Variants in VAV1 observed in about 807,000 individuals in gnomAD.
The protein encoded by VAV1 is proto-oncogene vav.
Under a neutral mutation model 128.1 loss-of-function variants are expected in VAV1, and 33 were observed. The ratio of observed to expected loss-of-function variants is 0.26; its 90% CI spans 0.20 to 0.34. The LOEUF is 0.34. Among genes scored for constraint, VAV1 ranks in the 10% least tolerant of loss-of-function variants. The pLI is 1.00. For synonymous variants in VAV1, 394 were observed against 409.8 expected, an observed-to-expected ratio of 0.96 and a Z score of 0.47; for missense variants, 715 against 1,093.7, an observed-to-expected ratio of 0.65 and a Z score of 4.88.
intron 26 of VAV1, among the ~76,000 whole-genome samples, chr19:6,855,267 T>C (rs1257388238): frequency 6.6e-6 from 1 of 152,216 alleles, no homozygotes; most frequent in East Asian, 1.9e-4. Flanking sequence ...ATTGCATCGA[T>C]GAGGAGTTTT....
chr19:6,802,417 C>A (rs903546882), intron 1 of VAV1, among the ~76,000 whole-genome samples: 1 of 152,112 alleles, frequency 6.6e-6, no homozygotes, highest in Non-Finnish European at 1.5e-5. Context: ...CCAGGAAGTC[C>A]TTTCTGGTGG....
In VAV1 at chr19:6,828,316, G is replaced by C. The variant is rs376901761; in HGVS notation, c.1024-103G>C. On this transcript the variant is annotated intron_variant, in intron 10 of 26. Coordinates refer to ENST00000602142, the MANE Select transcript of VAV1 (RefSeq NM_005428.4). The surrounding 1 kb of genome is among the most constrained non-coding windows in gnomAD (Gnocchi z 4.5). ...GGTCATGTCTCAGCCTCCAGGGTCA[G>C]CAGTACGATGGAGGAGCTGGTGAGC... 1.0e-5 allele frequency: 16 copies of C among 1,535,182 alleles called. No individual in the cohort carries two copies. The highest frequency in any genetic ancestry group is 1.4e-5 in the Non-Finnish European group (16 of 1,116,592).
At chr19:6,830,804 G>A (rs1972037421) in intron 14 of VAV1, among the ~76,000 whole-genome samples, 1 of 152,076 alleles carries the variant, frequency 6.6e-6, no homozygotes, top group African/African-American at 2.4e-5. Context: ...AATAAAGTAG[G>A]TGGCTGGGTG....
intron 21 of VAV1, among the ~76,000 whole-genome samples, chr19:6,840,299 C>CTT (rs1399297947): frequency 8.6e-5 from 11 of 127,814 alleles, no homozygotes; most frequent in African/African-American, 2.9e-4. Flanking sequence ...TCAGAATTTT[C>CTT]TTTCTTTTTT....
At chr19:6,812,827 GATA>G (rs909980660) in intron 1 of VAV1, among the ~76,000 whole-genome samples, 39 of 152,100 alleles carry the variant, frequency 2.6e-4, no homozygotes, top group South Asian at 4.2e-4. Flanking sequence ...TGATGGTGGT[GATA>G]ATGATGATGA....
In VAV1 at chr19:6,772,861, G is replaced by A. The variant is rs45448796; in HGVS notation, c.54G>A (p.Pro18=). The change falls in exon 1 of 27, where the codon CCG becomes CCA. Residue 18 remains proline (P), a synonymous_variant. Coordinates refer to ENST00000602142, the MANE Select transcript of VAV1 (RefSeq NM_005428.4). The surrounding 1 kb of genome is among the most constrained non-coding windows in gnomAD (Gnocchi z 4.8). ...THWLIQCRVL[P]PSHRVTWDGA... is the part of the protein sequence containing the mutation. ...GGCTCATCCAGTGCCGGGTGCTGCC[G>A]CCCAGCCACCGCGTGACCTGGGATG... 7.4e-6 allele frequency: 12 copies of A among 1,613,894 alleles called. No homozygotes were observed. Among genetic ancestry groups the A allele is most frequent in the East Asian group, 4.5e-5 (2 of 44,890 alleles).
chr19:6,837,193 C>T, intron 21 of VAV1, 143 bp downstream of exon 21: 1 of 775,042 alleles, frequency 1.3e-6, no homozygotes, highest in Admixed American at 2.6e-5. Flanking sequence ...AAGGCTTCAC[C>T]CACCCCACCA....
chr19:6,830,091 G>A (rs754809636), intron 14 of VAV1, among the ~76,000 whole-genome samples, 173 bp downstream of exon 14: 1 of 152,112 alleles, frequency 6.6e-6, no homozygotes, highest in Non-Finnish European at 1.5e-5. Flanking sequence ...ATGGAGTCTC[G>A]CTCTGTCGCC....
chr19:6,844,397 A>G (rs1157377214), intron 22 of VAV1, among the ~76,000 whole-genome samples: 1 of 151,876 alleles, frequency 6.6e-6, no homozygotes, highest in East Asian at 1.9e-4. Flanking sequence ...TTATATTTTC[A>G]GTAAAGACAG....
At chr19:6,813,504 T>C (rs761454725) in intron 1 of VAV1, among the ~76,000 whole-genome samples, 3 of 152,116 alleles carry the variant, frequency 2.0e-5, no homozygotes, top group Non-Finnish European at 2.9e-5. Context: ...CTATGGACCA[T>C]TGGGGGCCAT....
At chr19:6,824,588 G>A (rs1378891274) in intron 6 of VAV1, among the ~76,000 whole-genome samples, 1 of 151,876 alleles carries the variant, frequency 6.6e-6, no homozygotes. Context: ...CTGGAGTGCA[G>A]TGGCGTGATC....
chr19:6,826,745 C>T lies in VAV1; in HGVS notation c.927+34C>T, dbSNP rs771949630. On this transcript the variant is annotated intron_variant, in intron 9 of 26. Coordinates refer to ENST00000602142, the MANE Select transcript of VAV1 (RefSeq NM_005428.4). The surrounding 1 kb of genome is among the most constrained non-coding windows in gnomAD (Gnocchi z 4.1). ...CGGGCCACTTCTCGGGGGCCTCTCC[C>T]GCTCCTCCCCAGGCCCTGGGGGCAG... The T allele has an allele frequency of 1.1e-4, 172 of 1,498,876 alleles. 1 individual carries two copies. In the East Asian group the frequency reaches 3.4e-3, roughly 30 times the overall value. 92.8% of individuals were successfully genotyped at this position (1,498,876 alleles called of 1,614,324 possible). A position where few individuals can be genotyped will look rare whatever the true frequency, so the allele number is the denominator to read the frequency against.
At chr19:6,818,271 G>A (rs924603143) in intron 1 of VAV1, among the ~76,000 whole-genome samples, 1 of 152,210 alleles carries the variant, frequency 6.6e-6, no homozygotes, top group Non-Finnish European at 1.5e-5. Flanking sequence ...AGACAAAGAC[G>A]TTGGCAAGGA....
chr19:6,775,797 A>G (rs1228424945), intron 1 of VAV1, among the ~76,000 whole-genome samples: 3 of 152,192 alleles, frequency 2.0e-5, no homozygotes, highest in African/African-American at 7.2e-5. Flanking sequence ...CACAGATTGA[A>G]GCAGAGCTGT....
intron 1 of VAV1, among the ~76,000 whole-genome samples, chr19:6,812,059 T>C (rs1971524255): frequency 1.3e-5 from 2 of 152,192 alleles, no homozygotes; most frequent in Admixed American, 1.3e-4. Flanking sequence ...GCTCCTATTC[T>C]ATTGGCCAGA....
In VAV1 at chr19:6,808,792, T is replaced by C. The variant is rs1342197088; in HGVS notation, c.205-11910T>C. 2.0e-5 allele frequency among the ~76,000 whole-genome samples: 3 copies of C among 152,216 alleles called. No homozygotes were observed. In the East Asian group the frequency reaches 5.8e-4, roughly 29 times the overall value. On this transcript the variant is annotated intron_variant, in intron 1 of 26. Transcript: ENST00000602142. ...TAATTTAGTAAATTGTCTGGGCAGA[T>C]AGGTGATCTCTGTGGTTAGCTAATA...
chr19:6,816,183 C>T (rs1383950914), intron 1 of VAV1, among the ~76,000 whole-genome samples: 2 of 152,024 alleles, frequency 1.3e-5, no homozygotes, highest in African/African-American at 4.8e-5. Flanking sequence ...CCACGCCCAG[C>T]TAATTTTTTT....
At chr19:6,856,270 C>T (rs971633736) in intron 26 of VAV1, among the ~76,000 whole-genome samples, 1 of 151,312 alleles carries the variant, frequency 6.6e-6, no homozygotes, top group African/African-American at 2.4e-5. Context: ...GCACTCCAGC[C>T]TGGGCAACAG....
At chr19:6,850,225 GT>G (rs760967154) in intron 23 of VAV1, among the ~76,000 whole-genome samples, 1,668 of 49,080 alleles carry the variant, frequency 0.034, 67 homozygotes, top group African/African-American at 0.15. Flanking sequence ...TTGTTTCTTT[GT>G]TTTTTTTTTT....
Sources: gnomAD v4.1 joint callset for allele counts (sites outside exome capture counted in the v4.1 genomes callset) on GRCh38, gnomAD v4.1.1 for gene constraint, Gnocchi (gnomAD v3.1) non-coding constraint, MANE v1.5 for transcripts, NCBI Gene and HGNC (gene_info 2026-07-23, HGNC 2026-07-21) for gene names.